The following TRPM8 variants were observed in gnomAD, a reference collection of about 807,000 sequenced individuals.
The protein encoded by TRPM8 is TRPM8 cationic channel.
Under a neutral mutation model 133.7 loss-of-function variants are expected in TRPM8, and 110 were observed. The ratio of observed to expected loss-of-function variants is 0.82; its 90% confidence interval spans 0.70 to 0.96. TRPM8 has a LOEUF of 0.96. TRPM8 is among the 40% of genes least tolerant of loss of function. The pLI is 0.00. For synonymous variants in TRPM8, 535 were observed against 532.3 expected (o/e 1.01, Z -0.07); for missense variants, 1,291 against 1,379.5 (o/e 0.94, Z 1.02).
At chr2:233,918,190 T>C (rs888177732) in intron 1 of TRPM8, among the ~76,000 whole-genome samples, 1 of 152,056 alleles carries the variant, frequency 6.6e-6, no homozygotes, top group Non-Finnish European at 1.5e-5. Flanking sequence ...GAGAGAAGTT[T>C]TAGCTTGTCA....
At chr2:233,983,309 C>T (rs565824605) in intron 20 of TRPM8, 85 bp downstream of exon 20, 1 of 1,515,022 alleles carries the variant, frequency 6.6e-7, no homozygotes, top group Admixed American at 1.7e-5. Flanking sequence ...CCGGAGACCG[C>T]ACTTCAGAAG....
rs939112141 is a variant in TRPM8 at position 233,937,177 on chromosome 2, T to C, written c.192-176T>C. On this transcript the variant is annotated intron_variant, in intron 3 of 25. Transcript: ENST00000324695. ...TCCCAAAGTGCTGAGATTACAGGCG[T>C]GAGCCACCGCACCCGTCCACATCAA... 2.6e-5 allele frequency: 19 copies of C among 718,812 alleles called. No individual in the cohort carries two copies. The African/African-American group carries it at 2.9e-4, about 11-fold the overall frequency. 44.5% of individuals were successfully genotyped at this position (718,812 alleles called of 1,614,324 possible).
chr2:233,939,207 C>A, intron 5 of TRPM8, 32 bp downstream of exon 5: 1 of 1,609,146 alleles, frequency 6.2e-7, no homozygotes, highest in Non-Finnish European at 8.5e-7. Context: ...GCGGGTTCTT[C>A]CATTCGGGCT....
intron 21 of TRPM8, among the ~76,000 whole-genome samples, chr2:233,992,591 C>T (rs187874937): frequency 6.6e-6 from 1 of 152,260 alleles, no homozygotes; most frequent in African/African-American, 2.4e-5. Context: ...TCCTCCTCTC[C>T]TGCTCAGCTG....
At chr2:234,005,170 C>A (rs897823147) in intron 22 of TRPM8, among the ~76,000 whole-genome samples, 4 of 151,834 alleles carry the variant, frequency 2.6e-5, no homozygotes, top group Admixed American at 6.6e-5. Context: ...GGCTGTCCCC[C>A]CTCCTCCACC....
In TRPM8 at chr2:234,000,142, T is replaced by A. The variant is rs6727222; in HGVS notation, c.3130+3626T>A. On this transcript the variant is annotated intron_variant, in intron 22 of 25. Transcript: ENST00000324695. ...TTATTTATTTTTGAGACAGAGTCTC[T>A]CTGTGTTGCCCAGGCTGGAGTGCAG... 3.0e-3 allele frequency among the ~76,000 whole-genome samples: 460 copies of A among 151,358 alleles called. 2 individuals are homozygous for A. Among genetic ancestry groups the A allele is most frequent in the African/African-American group, 0.011 (437 of 41,208 alleles).
chr2:233,982,988 G>T (rs528519931), intron 19 of TRPM8, 65 bp from the exon 20 acceptor site: 16 of 1,555,588 alleles, frequency 1.0e-5, no homozygotes, highest in Non-Finnish European at 1.3e-5. Flanking sequence ...GAGGACGGCC[G>T]GGCCGGGGGG....
At chr2:233,984,226 C>G (rs1034330057) in intron 20 of TRPM8, among the ~76,000 whole-genome samples, 2 of 152,170 alleles carry the variant, frequency 1.3e-5, no homozygotes, top group Admixed American at 1.3e-4. Context: ...ACTGGTAAAG[C>G]ACCATCTTCT....
At chr2:233,944,666 A>G (rs963925399) in intron 6 of TRPM8, among the ~76,000 whole-genome samples, 1 of 152,238 alleles carries the variant, frequency 6.6e-6, no homozygotes, top group Non-Finnish European at 1.5e-5. Context: ...GCAAATAAAA[A>G]CATTACATAT....
chr2:233,970,344 T>C lies in TRPM8; in HGVS notation c.2273T>C (p.Met758Thr), dbSNP rs761637368. 1.2e-6 allele frequency: 2 copies of C among 1,614,066 alleles called. No homozygotes were observed. The highest frequency in any genetic ancestry group is 2.2e-5 in the East Asian group (1 of 44,882). The change falls in exon 17 of 26, where the codon ATG becomes ACG. Residue 758 changes from methionine to threonine, a missense_variant. Physicochemically the swap from Met to Thr is moderately conservative, Grantham distance 81. Transcript: ENST00000324695. ...CTGCTGTTTGCCTACGTGCTGCTCATGGATTTCCATTCGGTGCCACACCCC... is the reference window on the plus strand; with the variant it reads ...CTGCTGTTTGCCTACGTGCTGCTCACGGATTTCCATTCGGTGCCACACCCC... Reference protein sequence around the residue: ...FLLLFAYVLLMDFHSVPHPPE... With the variant: ...FLLLFAYVLLTDFHSVPHPPE...
intron 6 of TRPM8, among the ~76,000 whole-genome samples, chr2:233,945,051 C>T (rs1235089153): frequency 6.6e-6 from 1 of 151,060 alleles, no homozygotes; most frequent in African/African-American, 2.5e-5. Flanking sequence ...AAAATAGTAT[C>T]ACCAGCAAAA....
At chr2:233,927,081 C>T (rs1364147968) in intron 2 of TRPM8, among the ~76,000 whole-genome samples, 1 of 152,162 alleles carries the variant, frequency 6.6e-6, no homozygotes, top group Non-Finnish European at 1.5e-5. Flanking sequence ...GGCTGAGTTC[C>T]CTCCTGCAGG....
At chr2:233,938,976 A>G (rs758692589) in intron 4 of TRPM8, 22 bp from the exon 5 acceptor site, 3 of 1,613,604 alleles carry the variant, frequency 1.9e-6, no homozygotes, top group Non-Finnish European at 8.5e-7. Context: ...CTATCCTGAT[A>G]CTTCTGCTTC....
intron 6 of TRPM8, 123 bp downstream of exon 6, chr2:233,942,871 C>A: frequency 8.7e-7 from 1 of 1,148,788 alleles, no homozygotes; most frequent in Non-Finnish European, 1.3e-6. Context: ...GTCTGCCTTT[C>A]AAGGAGTGCC....
intron 12 of TRPM8, 95 bp downstream of exon 12, chr2:233,961,161 C>T: frequency 1.6e-6 from 2 of 1,234,444 alleles, no homozygotes; most frequent in East Asian, 4.9e-5. Context: ...ATCTTATTGC[C>T]ATAAAATACT....
At chr2:234,009,945 C>T (rs73996666) in intron 24 of TRPM8, among the ~76,000 whole-genome samples, 31,103 of 152,094 alleles carry the variant, frequency 0.2, 3,402 homozygotes, top group Middle Eastern at 0.3. Context: ...CGTATTACTT[C>T]TACATATTTA....
chr2:233,937,645 A>C, intron 4 of TRPM8, 136 bp downstream of exon 4: 2 of 1,070,950 alleles, frequency 1.9e-6, no homozygotes, highest in Non-Finnish European at 2.7e-6. Flanking sequence ...TTGCAGAAAA[A>C]GATACATCTT....
At chr2:233,960,455 A>T (rs1293804865) in intron 11 of TRPM8, among the ~76,000 whole-genome samples, 2 of 152,044 alleles carry the variant, frequency 1.3e-5, no homozygotes, top group Non-Finnish European at 2.9e-5. Context: ...ACTGGGGAAA[A>T]TTTTTGACCA....
At chr2:233,992,971 G>GC (rs1382692187) in intron 21 of TRPM8, among the ~76,000 whole-genome samples, 1 of 152,152 alleles carries the variant, frequency 6.6e-6, no homozygotes, top group Non-Finnish European at 1.5e-5. Flanking sequence ...TGGAAGCATC[G>GC]CTCCATTAGG....
Sources: gnomAD v4.1 joint callset for allele counts (sites outside exome capture counted in the v4.1 genomes callset) on GRCh38, gnomAD v4.1.1 for gene constraint, MANE v1.5 for transcripts, NCBI Gene and HGNC (gene_info 2026-07-23, HGNC 2026-07-21) for gene names.